Variants in RBFOX1 observed in about 807,000 individuals in gnomAD.
RBFOX1 encodes RNA binding fox-1 homolog 1.
A neutral mutation model predicts 57.7 loss-of-function variants in RBFOX1; 8 were observed. That is an observed-to-expected ratio of 0.14 (90% CI 0.08 to 0.25). RBFOX1 has a LOEUF of 0.25. RBFOX1 is among the 10% of genes least tolerant of loss of function. The pLI is 1.00. For synonymous variants in RBFOX1, 326 were observed against 222.4 expected (o/e 1.47, Z -4.15); for missense variants, 611 against 548.5 (o/e 1.11, Z -1.14).
chr16:7,704,681 G>A (rs117992802), intron 14 of RBFOX1, among the ~76,000 whole-genome samples: 2,293 of 152,296 alleles, frequency 0.015, 20 homozygotes, highest in Non-Finnish European at 0.023. Flanking sequence ...TGATCAGGTG[G>A]AGTGGGAAAT....
chr16:5,367,997 G>A (rs1284541467), intron 1 of RBFOX1, among the ~76,000 whole-genome samples: 1 of 152,200 alleles, frequency 6.6e-6, no homozygotes, highest in African/African-American at 2.4e-5. Context: ...GGTTCCACGG[G>A]GGTTCTTCTT....
chr16:5,569,811 C>T (rs1170460862), intron 2 of RBFOX1, among the ~76,000 whole-genome samples: 2 of 152,100 alleles, frequency 1.3e-5, no homozygotes, highest in East Asian at 3.9e-4. Context: ...GGTTATTTCT[C>T]TCCTCTTCCT....
At chr16:5,595,397 G>A (rs952094008) in intron 2 of RBFOX1, among the ~76,000 whole-genome samples, 4 of 152,128 alleles carry the variant, frequency 2.6e-5, no homozygotes, top group Non-Finnish European at 2.9e-5. Flanking sequence ...AAACTGAGGC[G>A]CAAGAGGGCA....
intron 4 of RBFOX1, among the ~76,000 whole-genome samples, chr16:7,390,954 CT>C (rs1451178831): frequency 6.6e-6 from 1 of 151,954 alleles, no homozygotes; most frequent in Non-Finnish European, 1.5e-5. Context: ...GCCTGTTTTG[CT>C]TGTGTGGCTT....
At chr16:6,817,403 T>C (rs2090313378) in intron 3 of RBFOX1, among the ~76,000 whole-genome samples, 1 of 151,962 alleles carries the variant, frequency 6.6e-6, no homozygotes, top group Non-Finnish European at 1.5e-5. Context: ...AGTTTTAAAA[T>C]TAACTTTTAG....
At position 6,384,850 on chromosome 16, in the gene RBFOX1, G is replaced by A. The variant is rs773331435; in HGVS notation, c.-64+67793G>A. ...TCTTGGTCAGCCTGTGATCTGGGAGGTTTCTTTTCTAACTAACGTGTATCC... is the reference window on the plus strand; with the variant it reads ...TCTTGGTCAGCCTGTGATCTGGGAGATTTCTTTTCTAACTAACGTGTATCC... On this transcript the variant is annotated intron_variant, in intron 2 of 15. Transcript: ENST00000550418. Among the ~76,000 whole-genome samples, 31 of 152,138 alleles carry A rather than the reference G, an allele frequency of 2.0e-4. 1 individual carries two copies. Among genetic ancestry groups the A allele is most frequent in the East Asian group, 1.9e-4 (1 of 5,188 alleles).
At chr16:5,362,982 G>A (rs907947475) in intron 1 of RBFOX1, among the ~76,000 whole-genome samples, 3 of 150,420 alleles carry the variant, frequency 2.0e-5, no homozygotes, top group African/African-American at 4.9e-5. Flanking sequence ...GTATAATGCC[G>A]TAGTAAACAT....
chr16:5,761,671 C>T (rs548865589), intron 3 of RBFOX1, among the ~76,000 whole-genome samples: 10 of 152,292 alleles, frequency 6.6e-5, no homozygotes, highest in African/African-American at 2.4e-4. Context: ...TTACCTCTCA[C>T]CGGGTCCTTT....
chr16:5,976,540 A>C (rs2060066568), intron 4 of RBFOX1, among the ~76,000 whole-genome samples: 1 of 152,138 alleles, frequency 6.6e-6, no homozygotes, highest in Non-Finnish European at 1.5e-5. Context: ...AGGTATTCTG[A>C]GGAACATCAC....
At chr16:6,464,943 G>T (rs1396990631) in intron 2 of RBFOX1, among the ~76,000 whole-genome samples, 1 of 152,226 alleles carries the variant, frequency 6.6e-6, no homozygotes, top group African/African-American at 2.4e-5. Context: ...TATTAGCTCT[G>T]TTGCCCTCGG....
At chr16:5,425,498 C>G (rs969884326) in intron 1 of RBFOX1, among the ~76,000 whole-genome samples, 5 of 152,190 alleles carry the variant, frequency 3.3e-5, no homozygotes, top group Non-Finnish European at 4.4e-5. Flanking sequence ...AAGTTGATGA[C>G]CTCCAGGGAA....
chr16:7,352,509 G>T (rs2097146495), intron 4 of RBFOX1, among the ~76,000 whole-genome samples: 1 of 152,092 alleles, frequency 6.6e-6, no homozygotes. Context: ...GCTTACTCCG[G>T]GCTGCCCATC....
intron 3 of RBFOX1, among the ~76,000 whole-genome samples, chr16:6,736,913 G>T (rs1372399350): frequency 2.0e-5 from 3 of 152,178 alleles, no homozygotes; most frequent in Non-Finnish European, 4.4e-5. Flanking sequence ...AGGGAGGAGT[G>T]CTGTGATGGA....
chr16:7,693,478 AG>A (rs2077860022), intron 14 of RBFOX1: 5 of 804,730 alleles, frequency 6.2e-6, no homozygotes, highest in South Asian at 1.8e-5. Flanking sequence ...AGTTTAGTTA[AG>A]AAAAAAAAAA....
chr16:7,169,886 C>T (rs747909591), intron 4 of RBFOX1, among the ~76,000 whole-genome samples: 44 of 152,060 alleles, frequency 2.9e-4, no homozygotes, highest in African/African-American at 8.7e-4. Context: ...GCCCTGGCAA[C>T]GTGGCAAGAC....
At chr16:5,536,159 C>T (rs907073354) in intron 2 of RBFOX1, among the ~76,000 whole-genome samples, 5 of 145,244 alleles carry the variant, frequency 3.4e-5, no homozygotes, top group African/African-American at 1.3e-4. Context: ...TCTCTCCTCT[C>T]ATATTTTTCT....
chr16:5,310,170 G>T (rs1033983036), intron 1 of RBFOX1, among the ~76,000 whole-genome samples: 2 of 152,164 alleles, frequency 1.3e-5, no homozygotes, highest in Non-Finnish European at 2.9e-5. Context: ...AGGCTGAGGT[G>T]GGCGGATCAC....
intron 3 of RBFOX1, among the ~76,000 whole-genome samples, chr16:5,605,673 G>A (rs533976003): frequency 6.6e-6 from 1 of 152,076 alleles, no homozygotes; most frequent in South Asian, 2.1e-4. Context: ...TCTAGGAGGG[G>A]AGAGTGTTGT....
chr16:6,799,851 C>G (rs567662333), intron 3 of RBFOX1, among the ~76,000 whole-genome samples: 1 of 152,120 alleles, frequency 6.6e-6, no homozygotes, highest in Non-Finnish European at 1.5e-5. Flanking sequence ...CTGTCAGCTT[C>G]CCTGCTTTTA....
Sources: allele counts gnomAD v4.1 joint callset (sites outside exome capture counted in the v4.1 genomes callset), GRCh38; gene constraint gnomAD v4.1.1; transcripts MANE v1.5; gene names NCBI Gene and HGNC (gene_info 2026-07-23, HGNC 2026-07-21).